EBF3: variants seen among roughly 807,000 people sequenced by gnomAD.
EBF3 encodes the protein transcription factor COE3.
A neutral mutation model predicts 77.1 loss-of-function variants in EBF3; 18 were observed. The ratio of observed to expected loss-of-function variants is 0.23; its 90% CI spans 0.16 to 0.35. The LOEUF (loss-of-function observed/expected upper bound fraction) is 0.35, where lower values mean the gene tolerates loss of function less well. Among genes scored for constraint, EBF3 ranks in the 10% least tolerant of loss-of-function variants. EBF3 has a pLI of 1.00. For missense variants in EBF3, 558 were observed against 860.0 expected, an observed-to-expected ratio of 0.65 and a Z score of 4.39; for synonymous variants, 350 against 343.5, an observed-to-expected ratio of 1.02 and a Z score of -0.21.
At position 129,841,052 on chromosome 10, in the gene EBF3, G is replaced by A. The variant is rs745418733; in HGVS notation, c.1373-20C>T. On this transcript the variant is annotated intron_variant, in intron 13 of 16. Transcript: ENST00000440978. The surrounding 1 kb of genome is among the most constrained non-coding windows in gnomAD (Gnocchi z 4.6). ...AGCCGACTGTTGAAATCCCCCCCCCGGCCAAAAATAACATTATTATCAGCG... is the reference window on the plus strand; with the variant it reads ...AGCCGACTGTTGAAATCCCCCCCCCAGCCAAAAATAACATTATTATCAGCG... 9.7e-5 allele frequency: 69 copies of A among 708,122 alleles called. No individual in the cohort carries two copies. Among genetic ancestry groups the A allele is most frequent in the Non-Finnish European group, 1.4e-4 (61 of 440,840 alleles). The allele number at this position is 708,122 out of a possible 1,614,324, so 43.9% of individuals were successfully genotyped here.
Position 129,836,929 on chromosome 10 carries a change from A to G in EBF3, c.*1014T>C, listed in dbSNP as rs1335609144. 1 of 152,688 alleles carries G rather than the reference A, an allele frequency of 6.5e-6. No homozygotes were observed. The highest frequency in any genetic ancestry group is 1.5e-5 in the Non-Finnish European group (1 of 68,042). 9.5% of individuals were successfully genotyped at this position (152,688 alleles called of 1,614,324 possible). ...GACCATTTTATTCCTTATAAGACAC[A>G]TAAGGAATAAAACTTGTTTTTCTAA... On this transcript the variant is annotated 3_prime_UTR_variant, in exon 17 of 17. Transcript: ENST00000440978.
rs923637849 is a variant in EBF3 at position 129,942,954 on chromosome 10, A to G, written c.554+14304T>C. ...TTGACATTAATTCAGCAGACCTAGG[A>G]GCAAGATACATTCTAATTTACAGCA... On this transcript the variant is annotated intron_variant, in intron 6 of 16. Transcript: ENST00000440978. Among the ~76,000 whole-genome samples, 8 of 152,200 alleles carry G rather than the reference A, an allele frequency of 5.3e-5. No individual in the cohort carries two copies. The South Asian group carries it at 6.2e-4, about 12-fold the overall frequency.
In EBF3 at chr10:129,841,502, C is replaced by G. The variant is rs1448694965; in HGVS notation, c.1373-470G>C. ...TGGGGGCGTTCGGGGGACATGGAAGCTTCATTCCTGCCATGGGAGCTTGTG... is the reference window on the plus strand; with the variant it reads ...TGGGGGCGTTCGGGGGACATGGAAGGTTCATTCCTGCCATGGGAGCTTGTG... On this transcript the variant is annotated intron_variant, in intron 13 of 16. Coordinates refer to ENST00000440978, the MANE Select transcript of EBF3 (RefSeq NM_001375380.1). This position sits in a 1 kb window ranked among gnomAD's most constrained non-coding sequence, Gnocchi z 4.6. 6.6e-6 allele frequency among the ~76,000 whole-genome samples: 1 copy of G among 152,164 alleles called. No individual in the cohort carries two copies. Among genetic ancestry groups the G allele is most frequent in the Non-Finnish European group, 1.5e-5 (1 of 68,032 alleles).
chr10:129,901,404 T>G (rs1854769032), intron 6 of EBF3, among the ~76,000 whole-genome samples: 1 of 152,234 alleles, frequency 6.6e-6, no homozygotes. Context: ...AGAATTCTGA[T>G]CCTGATTAGC....
At chr10:129,913,243 A>T (rs1855646334) in intron 6 of EBF3, among the ~76,000 whole-genome samples, 1 of 152,254 alleles carries the variant, frequency 6.6e-6, no homozygotes. Context: ...TAAAGATAAC[A>T]AAACATTGTC....
chr10:129,913,124 T>C (rs1355238232), intron 6 of EBF3, among the ~76,000 whole-genome samples: 1 of 152,272 alleles, frequency 6.6e-6, no homozygotes, highest in Non-Finnish European at 1.5e-5. Context: ...AGCTAGGCAT[T>C]TTTCTCTTGC....
At chr10:129,839,697 G>A (rs1238064298) in intron 15 of EBF3, among the ~76,000 whole-genome samples, 7 of 152,232 alleles carry the variant, frequency 4.6e-5, no homozygotes, top group Non-Finnish European at 2.9e-5. Context: ...CAGCAGATAA[G>A]GTGGAGAACC....
intron 7 of EBF3, 141 bp from the exon 8 acceptor site, chr10:129,873,737 T>C: frequency 1.1e-6 from 1 of 937,682 alleles, no homozygotes; most frequent in Non-Finnish European, 1.4e-6. Context: ...CGATGTGCGT[T>C]CACAGCTTTT....
rs1589973856 is a variant in EBF3 at position 129,963,289 on chromosome 10, C to T, written c.291+78G>A. ...GCCGAGCCCGCCGCCTAGGGGGGCA[C>T]TCGAACCCCCGCGCACCGGCACCGC... On this transcript the variant is annotated intron_variant, in intron 2 of 16. Transcript: ENST00000440978. The surrounding 1 kb of genome is among the most constrained non-coding windows in gnomAD (Gnocchi z 7.1). 4.9e-5 allele frequency: 75 copies of T among 1,537,726 alleles called. No homozygotes were observed. The highest frequency in any genetic ancestry group is 6.5e-5 in the Non-Finnish European group (74 of 1,144,794).
intron 6 of EBF3, among the ~76,000 whole-genome samples, chr10:129,945,145 G>A (rs1397093182): frequency 2.4e-5 from 2 of 83,448 alleles, no homozygotes; most frequent in Admixed American, 2.2e-4. Flanking sequence ...GGAGGGGAGG[G>A]GAGGGGAGAA....
chr10:129,895,616 C>G (rs1431680837), intron 6 of EBF3, among the ~76,000 whole-genome samples: 1 of 152,206 alleles, frequency 6.6e-6, no homozygotes, highest in Non-Finnish European at 1.5e-5. Context: ...TCAAATCTTA[C>G]CAGAGGAGTC....
chr10:129,882,000 T>C (rs1453314570), intron 6 of EBF3, among the ~76,000 whole-genome samples: 1 of 152,228 alleles, frequency 6.6e-6, no homozygotes, highest in Non-Finnish European at 1.5e-5. Flanking sequence ...CACCTTAAAC[T>C]GGGCTAAAAC....
chr10:129,945,602 G>A (rs888518507), intron 6 of EBF3, among the ~76,000 whole-genome samples: 8 of 152,154 alleles, frequency 5.3e-5, no homozygotes, highest in Non-Finnish European at 1.0e-4. Context: ...TAGCAGAAGC[G>A]GTGCAGGATC....
At chr10:129,852,727 C>T (rs1457730799) in intron 10 of EBF3, among the ~76,000 whole-genome samples, 5 of 152,182 alleles carry the variant, frequency 3.3e-5, no homozygotes, top group African/African-American at 1.2e-4. Flanking sequence ...AAGAAAAATT[C>T]GGATTGGAAA....
At position 129,943,506 on chromosome 10, in the gene EBF3, T is replaced by C. The variant is rs1319489474; in HGVS notation, c.554+13752A>G. Among the ~76,000 whole-genome samples, 2 of 152,142 alleles carry C rather than the reference T, an allele frequency of 1.3e-5. No individual in the cohort carries two copies. The highest frequency in any genetic ancestry group is 2.9e-5 in the Non-Finnish European group (2 of 68,020). ...ACTGTAAACTTCTGGAGGTTAGAGATTGGATAATTTCTTTCAGCTGGACCT... is the reference window on the plus strand; with the variant it reads ...ACTGTAAACTTCTGGAGGTTAGAGACTGGATAATTTCTTTCAGCTGGACCT... On this transcript the variant is annotated intron_variant, in intron 6 of 16. Transcript: ENST00000440978. The surrounding 1 kb of genome is among the most constrained non-coding windows in gnomAD (Gnocchi z 8.8).
At chr10:129,884,236 G>A (rs114859283) in intron 6 of EBF3, among the ~76,000 whole-genome samples, 476 of 152,248 alleles carry the variant, frequency 3.1e-3, no homozygotes, top group African/African-American at 0.011. Flanking sequence ...CTAGCCGATC[G>A]GGTTCGGGCG....
intron 6 of EBF3, among the ~76,000 whole-genome samples, chr10:129,909,428 A>T (rs1476554708): frequency 1.3e-5 from 2 of 152,214 alleles, no homozygotes; most frequent in African/African-American, 4.8e-5. Flanking sequence ...CTGCTGGAAA[A>T]GTAGATGGCC....
chr10:129,926,856 G>A (rs913760201), intron 6 of EBF3, among the ~76,000 whole-genome samples: 50 of 152,158 alleles, frequency 3.3e-4, no homozygotes, highest in African/African-American at 1.1e-3. Flanking sequence ...CCCACCCCAC[G>A]TGGAGGCTTC....
chr10:129,924,096 AC>A (rs1856486100), intron 6 of EBF3, among the ~76,000 whole-genome samples: 1 of 152,186 alleles, frequency 6.6e-6, no homozygotes, highest in South Asian at 2.1e-4. Flanking sequence ...AGAGCTCCTC[AC>A]CCATTAGGAT....
Sources: gnomAD v4.1 joint callset for allele counts (sites outside exome capture counted in the v4.1 genomes callset) on GRCh38, gnomAD v4.1.1 for gene constraint, Gnocchi (gnomAD v3.1) non-coding constraint, MANE v1.5 for transcripts, NCBI Gene and HGNC (gene_info 2026-07-23, HGNC 2026-07-21) for gene names.